Variants in CASK observed in about 807,000 individuals in gnomAD.
The protein encoded by CASK is peripheral plasma membrane protein CASK.
A neutral mutation model predicts 82.9 loss-of-function variants in CASK; 4 were observed. The ratio of observed to expected loss-of-function variants is 0.05; its 90% CI spans 0.02 to 0.11. The LOEUF is 0.11. CASK is among the 10% of genes least tolerant of loss of function. CASK has a pLI of 1.00. For missense variants in CASK, 358 were observed against 720.9 expected, an observed-to-expected ratio of 0.50 and a Z score of 5.76; for synonymous variants, 259 against 253.5, an observed-to-expected ratio of 1.02 and a Z score of -0.20.
At chrX:41,567,133 C>A (rs1413952309) in intron 16 of CASK, among the ~76,000 whole-genome samples, 1 of 112,131 alleles carries the variant, frequency 8.9e-6, no homozygotes, top group Non-Finnish European at 1.9e-5. Context: ...ACCATAAAAA[C>A]CCTGGAAGAA....
At chrX:41,540,699 C>A (rs186729202) in intron 22 of CASK, among the ~76,000 whole-genome samples, 2 of 112,116 alleles carry the variant, frequency 1.8e-5, no homozygotes, top group Admixed American at 1.9e-4. Context: ...AGAATGGGAG[C>A]AATGGAAGAA....
chrX:41,718,352 G>A (rs1257528772), intron 5 of CASK, among the ~76,000 whole-genome samples: 1 of 113,098 alleles, frequency 8.8e-6, no homozygotes, highest in Non-Finnish European at 1.9e-5. Flanking sequence ...CCAAAGAGGG[G>A]CTGTGGGATC....
intron 1 of CASK, among the ~76,000 whole-genome samples, chrX:41,906,933 T>C (rs1256403922): frequency 8.9e-6 from 1 of 112,917 alleles, no homozygotes; most frequent in Non-Finnish European, 1.9e-5. Flanking sequence ...AATTTTCCAG[T>C]AGATAGGTTG....
intron 1 of CASK, among the ~76,000 whole-genome samples, chrX:41,869,812 C>CAAAAAAAAAAAAAAAAAAAAAAAA (rs72190097): frequency 5.8e-4 from 7 of 12,116 alleles, no homozygotes; most frequent in Admixed American, 1.6e-3. Context: ...GACTCTGTCT[C>CAAAAAAAAAAAAAAAAAAAAAAAA]AAAAAAAAAA....
chrX:41,573,083 T>C (rs2065436140), intron 15 of CASK, among the ~76,000 whole-genome samples: 1 of 104,580 alleles, frequency 9.6e-6, no homozygotes, highest in Non-Finnish European at 2.0e-5. Flanking sequence ...TTCTTTTTTT[T>C]TTTTTTTTTG....
At chrX:41,538,278 A>G (rs1350389892) in intron 22 of CASK, among the ~76,000 whole-genome samples, 1 of 112,486 alleles carries the variant, frequency 8.9e-6, no homozygotes, top group Non-Finnish European at 1.9e-5. Context: ...ATTAAGCATA[A>G]TTTAAGCACA....
chrX:41,606,368 T>C (rs192425436), intron 12 of CASK, among the ~76,000 whole-genome samples: 3 of 112,244 alleles, frequency 2.7e-5, no homozygotes, highest in Admixed American at 9.4e-5. Context: ...TGGGTTCAAG[T>C]GATTCTCCTG....
In CASK at chrX:41,891,002, CT is replaced by C. The variant is rs200168218; in HGVS notation, c.59+31927del. ...TCCCAGGTTCAAGTGACTCTCATGCCTCAGCCTCCCAAGTAGCTGGTATTAC... is the reference window on the plus strand; with the variant it reads ...TCCCAGGTTCAAGTGACTCTCATGCCCAGCCTCCCAAGTAGCTGGTATTAC... On this transcript the variant is annotated intron_variant, in intron 1 of 26. Transcript: ENST00000378163. 8.5e-4 allele frequency among the ~76,000 whole-genome samples: 92 copies of C among 108,212 alleles called. 2 individuals are homozygous for C. The East Asian group carries it at 0.023, about 27-fold the overall frequency. 94.0% of individuals were successfully genotyped at this position (108,212 alleles called of 115,157 possible). A position where few individuals can be genotyped will look rare whatever the true frequency, so the allele number is the denominator to read the frequency against.
chrX:41,666,245 C>G (rs2067115391), intron 6 of CASK, among the ~76,000 whole-genome samples: 1 of 111,850 alleles, frequency 8.9e-6, no homozygotes, highest in South Asian at 3.7e-4. Flanking sequence ...CAAAAATTAG[C>G]TTTCTGTAAG....
intron 1 of CASK, among the ~76,000 whole-genome samples, chrX:41,921,409 G>A (rs1183744938): frequency 8.9e-6 from 1 of 111,963 alleles, no homozygotes; most frequent in Non-Finnish European, 1.9e-5. Flanking sequence ...ATGTTGAAAT[G>A]TTAAGTTTGG....
chrX:41,724,182 C>T (rs1055686902), intron 5 of CASK: 3 of 112,500 alleles, frequency 2.7e-5, no homozygotes, highest in African/African-American at 9.7e-5. Flanking sequence ...AATCTATTCA[C>T]ACTGACTAAA....
rs2066919099 is a variant in CASK, at chrX:41,655,244, C to T, written c.831+5195G>A. On this transcript the variant is annotated intron_variant, in intron 8 of 26. Transcript: ENST00000378163. Reference sequence around the variant, plus strand: ...ACCAGTAAGATTGCTTGAGCTCACACAGTGTGGAGTTGAGAAGCTGGAGTG... The same window carrying T: ...ACCAGTAAGATTGCTTGAGCTCACATAGTGTGGAGTTGAGAAGCTGGAGTG... Among the ~76,000 whole-genome samples, 10 of 111,198 alleles carry T rather than the reference C, an allele frequency of 9.0e-5. 1 individual carries two copies. The highest frequency in any genetic ancestry group is 8.6e-4 in the Admixed American group (9 of 10,429).
intron 5 of CASK, among the ~76,000 whole-genome samples, chrX:41,680,242 G>C (rs912660305): frequency 2.2e-4 from 24 of 109,196 alleles, no homozygotes; most frequent in African/African-American, 6.4e-4. Flanking sequence ...TCAGCACTTT[G>C]GGAAGCCGAG....
chrX:41,646,735 A>C (rs4827282), intron 8 of CASK, among the ~76,000 whole-genome samples: 2 of 111,687 alleles, frequency 1.8e-5, no homozygotes, highest in African/African-American at 3.3e-5. Context: ...GCCTCCTTAC[A>C]CACTGTTAGT....
chrX:41,879,758 C>T (rs2071911827), intron 1 of CASK, among the ~76,000 whole-genome samples: 1 of 112,062 alleles, frequency 8.9e-6, no homozygotes, highest in Non-Finnish European at 1.9e-5. Context: ...GAATTCAAGA[C>T]TTATGGCTAT....
intron 5 of CASK, among the ~76,000 whole-genome samples, chrX:41,707,364 G>C (rs999401317): frequency 7.1e-5 from 8 of 112,035 alleles, no homozygotes; most frequent in Non-Finnish European, 1.3e-4. Flanking sequence ...CCAGACACGT[G>C]AGTGAGGCCA....
At chrX:41,535,930 G>A (rs1178783856) in intron 22 of CASK, among the ~76,000 whole-genome samples, 1 of 111,643 alleles carries the variant, frequency 9.0e-6, no homozygotes, top group Non-Finnish European at 1.9e-5. Flanking sequence ...CTCACAAAGG[G>A]CTAAAATTGT....
chrX:41,558,134 C>CT lies in CASK; in HGVS notation c.1738-1035dup, dbSNP rs1299894443. ...AGGGGTCTACTCTTTAACCAAGGAC[C>CT]TGGGGGATGCAGATGCAGGTGGCCA... On this transcript the variant is annotated intron_variant, in intron 18 of 26. Transcript: ENST00000378163. The CT allele has an allele frequency of 5.5e-5, 6 of 109,118 alleles. No homozygotes were observed. In the East Asian group the frequency reaches 1.7e-3, roughly 31 times the overall value. The allele number at this position is 109,118 out of a possible 1,213,427, so 9.0% of individuals were successfully genotyped here. A position where few individuals can be genotyped will look rare whatever the true frequency, so the allele number is the denominator to read the frequency against.
Position 41,750,653 on chromosome X carries a change from A to C in CASK, c.279-5052T>G, listed in dbSNP as rs371712671. 1.1e-4 allele frequency among the ~76,000 whole-genome samples: 12 copies of C among 112,383 alleles called. No homozygotes were observed. The South Asian group carries it at 4.4e-3, about 41-fold the overall frequency. Reference sequence around the variant, plus strand: ...GCTGTCTCTCCTTTTCATCCATCTGAATTTTTAAAATTTATAATAAACATG... The same window carrying C: ...GCTGTCTCTCCTTTTCATCCATCTGCATTTTTAAAATTTATAATAAACATG... On this transcript the variant is annotated intron_variant, in intron 3 of 26. Coordinates refer to ENST00000378163, the MANE Select transcript of CASK (RefSeq NM_001367721.1).
Sources: allele counts gnomAD v4.1 joint callset (sites outside exome capture counted in the v4.1 genomes callset), GRCh38; gene constraint gnomAD v4.1.1; transcripts MANE v1.5; gene names NCBI Gene and HGNC (gene_info 2026-07-23, HGNC 2026-07-21).